Variants in MED12L observed in about 807,000 individuals in gnomAD.
MED12L encodes mediator complex subunit 12L, also known as mediator of RNA polymerase II transcription subunit 12-like protein.
MED12L carries 60 observed loss-of-function variants against 281.3 expected under a neutral mutation model. The ratio of observed to expected loss-of-function variants is 0.21; its 90% confidence interval spans 0.17 to 0.26. MED12L has a LOEUF of 0.26. Ranked by LOEUF, MED12L falls within the 10% of genes least tolerant of loss-of-function variation. The pLI, the probability that MED12L is intolerant of heterozygous loss-of-function variation, is 1.00. For synonymous variants in MED12L, 974 were observed against 987.2 expected (o/e 0.99, Z 0.25); for missense variants, 2,146 against 2,680.9 (o/e 0.80, Z 4.41).
At chr3:151,214,522 G>C (rs1448203364) in intron 16 of MED12L, among the ~76,000 whole-genome samples, 1 of 151,592 alleles carries the variant, frequency 6.6e-6, no homozygotes, top group Non-Finnish European at 1.5e-5. Context: ...TCTTTCTTTT[G>C]GTCTTCCTTT....
At chr3:151,100,309 C>T (rs1378751457) in intron 2 of MED12L, among the ~76,000 whole-genome samples, 2 of 152,202 alleles carry the variant, frequency 1.3e-5, no homozygotes, top group South Asian at 4.1e-4. Context: ...ATCAGCTGTG[C>T]AACTGCCTCC....
At chr3:151,197,746 A>G (rs1724869893) in intron 16 of MED12L, 1 of 152,668 alleles carries the variant, frequency 6.6e-6, no homozygotes, top group South Asian at 2.1e-4. Context: ...ATGAGAAGTC[A>G]CTAAATGTAT....
intron 16 of MED12L, among the ~76,000 whole-genome samples, chr3:151,277,427 G>A (rs1166665579): frequency 6.6e-6 from 1 of 151,482 alleles, no homozygotes; most frequent in East Asian, 1.9e-4. Context: ...TTTTTTTTTA[G>A]TGCTAAAACT....
chr3:151,267,579 T>G (rs1401575019), intron 16 of MED12L, among the ~76,000 whole-genome samples: 1 of 152,156 alleles, frequency 6.6e-6, no homozygotes, highest in Non-Finnish European at 1.5e-5. Flanking sequence ...TCCTATGAAT[T>G]TAAAACATTT....
intron 5 of MED12L, among the ~76,000 whole-genome samples, chr3:151,129,715 TTGTGTGTGTGTGTG>T (rs62785262): frequency 1.5e-4 from 22 of 147,546 alleles, no homozygotes; most frequent in Admixed American, 2.7e-4. Context: ...ATATCTACAT[TTGTGTGTGTGTGTG>T]TGTGTGTGTG....
intron 16 of MED12L, among the ~76,000 whole-genome samples, chr3:151,345,807 A>G (rs1436518426): frequency 1.3e-5 from 2 of 152,068 alleles, no homozygotes; most frequent in African/African-American, 2.4e-5. Flanking sequence ...GTGAGCCACC[A>G]TGCCCAGCCT....
At chr3:151,252,427 G>A (rs566300513) in intron 16 of MED12L, among the ~76,000 whole-genome samples, 1 of 151,962 alleles carries the variant, frequency 6.6e-6, no homozygotes, top group African/African-American at 2.4e-5. Flanking sequence ...ATTTTTAATT[G>A]TCTGCCAGTT....
intron 16 of MED12L, chr3:151,295,041 G>A (rs1559994489): frequency 1.3e-5 from 21 of 1,613,536 alleles, no homozygotes; most frequent in Non-Finnish European, 1.7e-5. Flanking sequence ...TTCCTAATGT[G>A]GAAGAAGATC....
chr3:151,156,231 C>G lies in MED12L; in HGVS notation c.627C>G (p.Ala209=). The part of the protein sequence containing the change: ...LAKISDFYHM[A]SSTGDGPVPV... ...AGATTTCTGACTTTTACCACATGGC[C>G]TCCAGCACGGGCGATGGCCCTGTCC... The change falls in exon 6 of 45, where the codon GCC becomes GCG. Residue 209 remains alanine (A), a synonymous_variant. Coordinates refer to ENST00000687756, the MANE Select transcript of MED12L (RefSeq NM_001393769.1). The G allele has an allele frequency of 6.2e-7, 1 of 1,613,590 alleles. No individual in the cohort carries two copies. The highest frequency in any genetic ancestry group is 2.2e-5 in the East Asian group (1 of 44,834).
intron 16 of MED12L, among the ~76,000 whole-genome samples, chr3:151,221,290 A>G (rs145682455): frequency 0.013 from 1,975 of 152,330 alleles, 33 homozygotes; most frequent in African/African-American, 0.045. Context: ...TTGCAGCCTG[A>G]CAATGCAATA....
intron 16 of MED12L, among the ~76,000 whole-genome samples, chr3:151,242,599 C>T (rs1009030946): frequency 6.6e-5 from 10 of 152,184 alleles, no homozygotes; most frequent in Non-Finnish European, 1.3e-4. Context: ...AACACATCCA[C>T]ACCAAAAACC....
chr3:151,362,465 G>C (rs948033363), intron 21 of MED12L, among the ~76,000 whole-genome samples: 1 of 151,906 alleles, frequency 6.6e-6, no homozygotes, highest in South Asian at 2.1e-4. Context: ...TGTGATACTT[G>C]TCCTCAGTTA....
chr3:151,248,107 G>T (rs920513360), intron 16 of MED12L, among the ~76,000 whole-genome samples: 1 of 150,438 alleles, frequency 6.6e-6, no homozygotes, highest in Non-Finnish European at 1.5e-5. Flanking sequence ...AATATTCCTT[G>T]TCCTTGCCAT....
chr3:151,376,335 C>A, intron 28 of MED12L, 121 bp downstream of exon 28: 1 of 791,460 alleles, frequency 1.3e-6, no homozygotes, highest in Non-Finnish European at 1.8e-6. Flanking sequence ...TTTTTATTCC[C>A]ACACATTTTC....
intron 19 of MED12L, among the ~76,000 whole-genome samples, chr3:151,356,284 TG>T (rs1314385306): frequency 1.3e-5 from 2 of 151,930 alleles, no homozygotes; most frequent in Non-Finnish European, 2.9e-5. Flanking sequence ...CCCAGCTACT[TG>T]GGAGGCTGAG....
chr3:151,391,734 C>T (rs1714257993), intron 38 of MED12L, among the ~76,000 whole-genome samples: 1 of 152,226 alleles, frequency 6.6e-6, no homozygotes, highest in Non-Finnish European at 1.5e-5. Context: ...TTGCTTATAT[C>T]TTACTTTCTT....
chr3:151,380,611 A>C (rs1048763168), intron 32 of MED12L, among the ~76,000 whole-genome samples: 7 of 152,040 alleles, frequency 4.6e-5, no homozygotes, highest in African/African-American at 1.4e-4. Flanking sequence ...AAAAAAAAAA[A>C]AAAACAACTA....
chr3:151,136,566 T>C (rs1163239785), intron 5 of MED12L, among the ~76,000 whole-genome samples: 3 of 152,166 alleles, frequency 2.0e-5, no homozygotes, highest in African/African-American at 7.2e-5. Flanking sequence ...CATTCTCCAA[T>C]AGAAGGAATG....
In MED12L at chr3:151,377,205, C is replaced by T. The variant is rs1020835682; in HGVS notation, c.4316+27C>T. The stretch of plus-strand genomic sequence containing the variant: ...TATTTTTGTCTGTTGTTTTATTGAA[C>T]TGTCATGAATTTTTCACAAGTAACG... On this transcript the variant is annotated intron_variant, in intron 30 of 44. Coordinates refer to ENST00000687756, the MANE Select transcript of MED12L (RefSeq NM_001393769.1). 7 of 1,582,412 alleles carry T rather than the reference C, an allele frequency of 4.4e-6. No individual in the cohort carries two copies. In the Middle Eastern group the frequency reaches 5.0e-4, roughly 114 times the overall value.
Sources: allele counts gnomAD v4.1 joint callset (sites outside exome capture counted in the v4.1 genomes callset), GRCh38; gene constraint gnomAD v4.1.1; transcripts MANE v1.5; gene names NCBI Gene and HGNC (gene_info 2026-07-23, HGNC 2026-07-21).